Variants in KCNIP4 observed in about 807,000 individuals in gnomAD.
KCNIP4 encodes the protein Kv channel-interacting protein 4.
In KCNIP4, 12 loss-of-function variants were observed where a neutral mutation model predicts 34.0. That is an observed-to-expected ratio of 0.35 (90% CI 0.23 to 0.57). The LOEUF is 0.57. Ranked by LOEUF, KCNIP4 falls within the 20% of genes least tolerant of loss-of-function variation. The pLI is 0.83. For synonymous variants in KCNIP4, 124 were observed against 102.2 expected (o/e 1.21, Z -1.29); for missense variants, 238 against 311.7 (o/e 0.76, Z 1.78).
intron 1 of KCNIP4, among the ~76,000 whole-genome samples, chr4:21,481,039 T>C (rs1003808289): frequency 4.2e-4 from 64 of 152,304 alleles, no homozygotes; most frequent in African/African-American, 1.4e-3. Context: ...TAGGCACTGA[T>C]ATAGGTGTAG....
At chr4:21,317,629 A>G (rs1310198026) in intron 1 of KCNIP4, among the ~76,000 whole-genome samples, 1 of 152,178 alleles carries the variant, frequency 6.6e-6, no homozygotes, top group African/African-American at 2.4e-5. Flanking sequence ...TATGGTTATA[A>G]TGGTGCTGGC....
intron 1 of KCNIP4, among the ~76,000 whole-genome samples, chr4:21,297,726 T>G (rs182189562): frequency 2.4e-4 from 36 of 152,168 alleles, no homozygotes; most frequent in African/African-American, 6.7e-4. Flanking sequence ...CTGATATATC[T>G]TCTCTTATTT....
chr4:20,743,368 T>A (rs1751638223), intron 5 of KCNIP4, among the ~76,000 whole-genome samples: 1 of 152,152 alleles, frequency 6.6e-6, no homozygotes, highest in Non-Finnish European at 1.5e-5. Flanking sequence ...GACTTCAAAC[T>A]ATACTACAAG....
intron 1 of KCNIP4, among the ~76,000 whole-genome samples, chr4:21,224,160 G>A (rs2109005909): frequency 6.6e-6 from 1 of 152,170 alleles, no homozygotes; most frequent in African/African-American, 2.4e-5. Context: ...GTCTCCATCA[G>A]TTTGGGTTGC....
chr4:20,848,807 GA>G lies in KCNIP4; in HGVS notation c.288+1735del, dbSNP rs879804698. On this transcript the variant is annotated intron_variant, in intron 3 of 8. Transcript: ENST00000382152. ...CTGATGTACAATCCAATGTTAAAAA[GA>G]AAAAAAAAGTCTGCTTATTACTAGA... Among the ~76,000 whole-genome samples, 108 of 151,352 alleles carry G rather than the reference GA, an allele frequency of 7.1e-4. 1 individual carries two copies. Among genetic ancestry groups the G allele is most frequent in the Admixed American group, 1.3e-3 (20 of 15,234 alleles).
chr4:20,734,510 T>C (rs1048883614), intron 6 of KCNIP4, 118 bp downstream of exon 6: 2 of 532,732 alleles, frequency 3.8e-6, no homozygotes. Flanking sequence ...TTCCACTACA[T>C]AAAATATTTT....
intron 1 of KCNIP4, among the ~76,000 whole-genome samples, chr4:21,556,323 T>A (rs1739005918): frequency 6.6e-6 from 1 of 152,094 alleles, no homozygotes; most frequent in Admixed American, 6.6e-5. Context: ...TAACACTACA[T>A]CCAATTTAAA....
chr4:20,835,288 T>C (rs2130920), intron 3 of KCNIP4, among the ~76,000 whole-genome samples: 118,207 of 151,628 alleles, frequency 0.78, 46,272 homozygotes, highest in African/African-American at 0.83. Context: ...GAGTCCCTCC[T>C]GACCAGGACT....
At chr4:20,820,955 G>C (rs1235689864) in intron 3 of KCNIP4, among the ~76,000 whole-genome samples, 1 of 152,228 alleles carries the variant, frequency 6.6e-6, no homozygotes, top group African/African-American at 2.4e-5. Context: ...TGCCCAAGCT[G>C]TGGAGGCATA....
intron 1 of KCNIP4, among the ~76,000 whole-genome samples, chr4:21,817,081 T>C (rs895697380): frequency 6.6e-6 from 1 of 152,246 alleles, no homozygotes; most frequent in African/African-American, 2.4e-5. Flanking sequence ...TTCTATTGGT[T>C]CCTTTGCTCT....
intron 1 of KCNIP4, among the ~76,000 whole-genome samples, chr4:21,769,725 C>A (rs1259612447): frequency 6.6e-6 from 1 of 152,002 alleles, no homozygotes; most frequent in African/African-American, 2.4e-5. Context: ...CACTGACGTG[C>A]AAAATATTTT....
At chr4:20,836,876 T>C (rs2149465407) in intron 3 of KCNIP4, among the ~76,000 whole-genome samples, 1 of 152,214 alleles carries the variant, frequency 6.6e-6, no homozygotes, top group South Asian at 2.1e-4. Context: ...TCTCTCTTTT[T>C]TTTTTTCCAT....
intron 1 of KCNIP4, among the ~76,000 whole-genome samples, chr4:21,353,024 A>G (rs913530786): frequency 2.6e-4 from 40 of 152,212 alleles, no homozygotes; most frequent in Admixed American, 1.8e-3. Flanking sequence ...GTGGACCTCC[A>G]GCAAACTCCA....
At chr4:20,940,438 G>A (rs962060678) in intron 1 of KCNIP4, among the ~76,000 whole-genome samples, 4 of 152,118 alleles carry the variant, frequency 2.6e-5, no homozygotes, top group African/African-American at 9.7e-5. Flanking sequence ...CTCTTAAATT[G>A]ACAACTTAGG....
At chr4:20,775,339 C>T (rs1043839381) in intron 3 of KCNIP4, among the ~76,000 whole-genome samples, 1 of 152,088 alleles carries the variant, frequency 6.6e-6, no homozygotes, top group African/African-American at 2.4e-5. Context: ...ATGTAAATAA[C>T]TCAAGATTAT....
At chr4:21,211,710 G>A (rs1757236862) in intron 1 of KCNIP4, among the ~76,000 whole-genome samples, 1 of 152,058 alleles carries the variant, frequency 6.6e-6, no homozygotes, top group Non-Finnish European at 1.5e-5. Flanking sequence ...TATATGCTAG[G>A]CATTGTGCAA....
chr4:20,944,087 T>G (rs1731934199), intron 1 of KCNIP4, among the ~76,000 whole-genome samples: 1 of 152,192 alleles, frequency 6.6e-6, no homozygotes, highest in African/African-American at 2.4e-5. Context: ...CCTAGTTCAT[T>G]GGGTGATTAT....
At chr4:21,007,969 G>T (rs1738718667) in intron 1 of KCNIP4, among the ~76,000 whole-genome samples, 1 of 152,134 alleles carries the variant, frequency 6.6e-6, no homozygotes. Flanking sequence ...TGTTCCTAAT[G>T]AGCCTCCCAT....
intron 1 of KCNIP4, among the ~76,000 whole-genome samples, chr4:21,335,368 G>T (rs1716072003): frequency 6.6e-6 from 1 of 151,856 alleles, no homozygotes; most frequent in Non-Finnish European, 1.5e-5. Context: ...ACAATCAATG[G>T]ATTATCTCCC....
Sources: allele counts gnomAD v4.1 joint callset (sites outside exome capture counted in the v4.1 genomes callset), GRCh38; gene constraint gnomAD v4.1.1; transcripts MANE v1.5; gene names NCBI Gene and HGNC (gene_info 2026-07-23, HGNC 2026-07-21).